The following RTTN variants were observed in gnomAD, a reference collection of about 807,000 sequenced individuals.
RTTN encodes rotatin.
RTTN carries 182 observed loss-of-function variants against 269.2 expected under a neutral mutation model. The ratio of observed to expected loss-of-function variants is 0.68; its 90% CI spans 0.60 to 0.76. The LOEUF (loss-of-function observed/expected upper bound fraction) is 0.76, where lower values mean the gene tolerates loss of function less well. Ranked by LOEUF, RTTN falls within the 30% of genes least tolerant of loss-of-function variation. The pLI, the probability that RTTN is intolerant of heterozygous loss-of-function variation, is 0.00. For synonymous variants in RTTN, 1,006 were observed against 963.5 expected (o/e 1.04, Z -0.82); for missense variants, 2,545 against 2,608.6 (o/e 0.98, Z 0.53).
At position 70,150,753 on chromosome 18, in the gene RTTN, A is replaced by T; in HGVS notation, c.1930-20T>A. On this transcript the variant is annotated intron_variant, in intron 14 of 48. Coordinates refer to ENST00000640769, the MANE Select transcript of RTTN (RefSeq NM_173630.4). ...ACATTCCTGTAAAATAATATTAAAA[A>T]GTATTTTTAAATTAGCAACACTGAT... The T allele has an allele frequency of 6.5e-7, 1 of 1,535,030 alleles. No individual in the cohort carries two copies. The highest frequency in any genetic ancestry group is 8.9e-7 in the Non-Finnish European group (1 of 1,129,902).
chr18:70,181,962 T>C (rs535101108), intron 10 of RTTN, among the ~76,000 whole-genome samples: 1 of 152,270 alleles, frequency 6.6e-6, no homozygotes, highest in African/African-American at 2.4e-5. Flanking sequence ...AAGTTAAAAG[T>C]GAATGACTAA....
intron 25 of RTTN, among the ~76,000 whole-genome samples, chr18:70,124,957 C>G (rs1036933156): frequency 6.6e-6 from 1 of 152,074 alleles, no homozygotes; most frequent in Non-Finnish European, 1.5e-5. Context: ...AAAGAAGACT[C>G]TAGATACCTC....
chr18:70,060,089 T>C, intron 35 of RTTN, 47 bp from the exon 36 acceptor site: 1 of 1,397,238 alleles, frequency 7.2e-7, no homozygotes, highest in South Asian at 1.6e-5. Context: ...CTTACAGCTA[T>C]GTACAATACT....
At chr18:70,172,681 A>G (rs1221083696) in intron 11 of RTTN, among the ~76,000 whole-genome samples, 1 of 151,982 alleles carries the variant, frequency 6.6e-6, no homozygotes, top group Non-Finnish European at 1.5e-5. Context: ...CAATAAAACA[A>G]TAACTACCTT....
intron 10 of RTTN, among the ~76,000 whole-genome samples, chr18:70,182,234 G>A (rs901908709): frequency 1.3e-5 from 2 of 151,968 alleles, no homozygotes; most frequent in South Asian, 2.1e-4. Flanking sequence ...TAAGAGGCTC[G>A]TGTTATGAAA....
chr18:70,180,074 A>G (rs898278028), intron 10 of RTTN, among the ~76,000 whole-genome samples: 4 of 151,916 alleles, frequency 2.6e-5, no homozygotes, highest in African/African-American at 4.8e-5. Context: ...AGAACTATCC[A>G]TGCCTCTTTG....
intron 12 of RTTN, among the ~76,000 whole-genome samples, chr18:70,167,712 A>C (rs540155931): frequency 2.0e-5 from 3 of 152,246 alleles, no homozygotes; most frequent in Non-Finnish European, 4.4e-5. Context: ...TCAAAAAAAA[A>C]AAAAAGCCAC....
rs117700190 is a variant in RTTN at position 70,068,925 on chromosome 18, C to T, written c.4654-3003G>A. On this transcript the variant is annotated intron_variant, in intron 34 of 48. Transcript: ENST00000640769. ...TTTACAGATATTACAAAAGACAATACAAGCTTTTTAGAGCAGGCTGATGCT... is the reference window on the plus strand; with the variant it reads ...TTTACAGATATTACAAAAGACAATATAAGCTTTTTAGAGCAGGCTGATGCT... 7.7e-4 allele frequency among the ~76,000 whole-genome samples: 117 copies of T among 151,900 alleles called. 1 individual carries two copies. Among genetic ancestry groups the T allele is most frequent in the Non-Finnish European group, 1.4e-3 (95 of 67,990 alleles).
chr18:70,119,285 C>T (rs976787458), intron 26 of RTTN, among the ~76,000 whole-genome samples: 9 of 148,132 alleles, frequency 6.1e-5, no homozygotes, highest in Admixed American at 2.1e-4. Flanking sequence ...ATACAGTAAC[C>T]GCGCCCCCCC....
At chr18:70,127,060 T>C (rs1241583118) in intron 25 of RTTN, among the ~76,000 whole-genome samples, 2 of 152,168 alleles carry the variant, frequency 1.3e-5, no homozygotes, top group African/African-American at 2.4e-5. Context: ...GACCGCCACA[T>C]GGCAATCAAC....
At chr18:70,086,717 A>AGGTC in intron 31 of RTTN, 33 bp from the exon 32 acceptor site, 12 of 1,160,496 alleles carry the variant, frequency 1.0e-5, no homozygotes, top group East Asian at 8.2e-5. Context: ...AAAAAAAAAA[A>AGGTC]AAAAAAAAAA....
At position 70,003,904 on chromosome 18, in the gene RTTN, A is replaced by G. The variant is rs2056100640; in HGVS notation, c.*247T>C. On this transcript the variant is annotated 3_prime_UTR_variant, in exon 49 of 49. Coordinates refer to ENST00000640769, the MANE Select transcript of RTTN (RefSeq NM_173630.4). The stretch of plus-strand genomic sequence containing the variant: ...GGGTAAAAATGTTTATGTTCCCAGA[A>G]CTTTCTATGCCTTTTCAACAGAAAG... 1 of 331,328 alleles carries G rather than the reference A, an allele frequency of 3.0e-6. No individual in the cohort carries two copies. The highest frequency in any genetic ancestry group is 2.1e-5 in the African/African-American group (1 of 47,230). 20.5% of individuals were successfully genotyped at this position (331,328 alleles called of 1,614,324 possible).
At chr18:70,200,938 C>T (rs1318809290) in intron 4 of RTTN, among the ~76,000 whole-genome samples, 1 of 152,118 alleles carries the variant, frequency 6.6e-6, no homozygotes, top group African/African-American at 2.4e-5. Context: ...GGTATTGTTC[C>T]AGACACTGAA....
chr18:70,176,209 GTATATGTATATGTATATGTAT>G (rs2061293343), intron 11 of RTTN, among the ~76,000 whole-genome samples: 1 of 71,120 alleles, frequency 1.4e-5, no homozygotes, highest in African/African-American at 6.8e-5. Flanking sequence ...AGATGTATAT[GTATATGTATATGTATATGTAT>G]ATGTATATGT....
intron 28 of RTTN, among the ~76,000 whole-genome samples, chr18:70,096,527 T>C (rs780043292): frequency 3.3e-5 from 5 of 152,222 alleles, no homozygotes; most frequent in Non-Finnish European, 5.9e-5. Flanking sequence ...TTCCTGTTTG[T>C]TAGTTTTCCT....
At chr18:70,130,484 T>C (rs753368340) in intron 23 of RTTN, 2 of 151,218 alleles carry the variant, frequency 1.3e-5, no homozygotes, top group Non-Finnish European at 2.9e-5. Flanking sequence ...TGAAACAACA[T>C]GGATGGAACT....
chr18:70,161,302 G>A lies in RTTN; in HGVS notation c.1929+4760C>T, dbSNP rs115043188. On this transcript the variant is annotated intron_variant, in intron 14 of 48. Transcript: ENST00000640769. ...AATAACTGGTTAGGCGTATTCAAAA[G>A]ATTGAAACTGGACCCCCTTCCTTTC... is the stretch of plus-strand genomic sequence containing the variant. Among the ~76,000 whole-genome samples the A allele has an allele frequency of 5.1e-3, 773 of 152,238 alleles. 7 individuals carry two copies. Among genetic ancestry groups the A allele is most frequent in the African/African-American group, 0.017 (722 of 41,538 alleles).
At chr18:70,179,179 A>G (rs996009541) in intron 10 of RTTN, among the ~76,000 whole-genome samples, 1 of 152,330 alleles carries the variant, frequency 6.6e-6, no homozygotes, top group Admixed American at 6.5e-5. Context: ...AAACAGAAAA[A>G]GTAAAACGCC....
intron 23 of RTTN, among the ~76,000 whole-genome samples, chr18:70,132,373 T>G (rs1049253572): frequency 2.0e-5 from 3 of 152,060 alleles, no homozygotes; most frequent in Admixed American, 6.6e-5. Context: ...ACATGGAACA[T>G]TTTAAAAAGC....
Sources: gnomAD v4.1 joint callset for allele counts (sites outside exome capture counted in the v4.1 genomes callset) on GRCh38, gnomAD v4.1.1 for gene constraint, MANE v1.5 for transcripts, NCBI Gene and HGNC (gene_info 2026-07-23, HGNC 2026-07-21) for gene names.